ULK4: variants seen among roughly 807,000 people sequenced by gnomAD.
The protein encoded by ULK4 is unc-51 like kinase 4.
Under a neutral mutation model 160.6 loss-of-function variants are expected in ULK4, and 133 were observed. The observed-to-expected ratio is 0.83, with a 90% CI of 0.72 to 0.96. The LOEUF is 0.96. Ranked by LOEUF, ULK4 falls within the 40% of genes least tolerant of loss-of-function variation. ULK4 has a pLI of 0.00. For missense variants in ULK4, 1,580 were observed against 1,499.5 expected (o/e 1.05, Z -0.89); for synonymous variants, 534 against 539.8 (o/e 0.99, Z 0.15).
chr3:41,700,269 GC>G (rs770646869), intron 27 of ULK4, among the ~76,000 whole-genome samples: 63 of 152,252 alleles, frequency 4.1e-4, no homozygotes, highest in Admixed American at 2.2e-3. Context: ...GGAGCTGACT[GC>G]CCAGGAAGCA....
chr3:41,825,717 C>T (rs1052667422), intron 18 of ULK4, among the ~76,000 whole-genome samples: 2 of 152,192 alleles, frequency 1.3e-5, no homozygotes, highest in African/African-American at 4.8e-5. Flanking sequence ...AGAATGGAAC[C>T]AAGCTGGAAA....
intron 35 of ULK4, among the ~76,000 whole-genome samples, chr3:41,388,451 T>C (rs1442264367): frequency 4.6e-5 from 7 of 152,076 alleles, no homozygotes; most frequent in African/African-American, 1.7e-4. Context: ...TCCTTGCCCA[T>C]GCCTATGTCC....
In ULK4 at chr3:41,907,829, T is replaced by C; in HGVS notation, c.1182+16A>G. On this transcript the variant is annotated intron_variant, in intron 12 of 36. Transcript: ENST00000301831. The stretch of plus-strand genomic sequence containing the variant: ...CTACATCTTATGTAGGAAGAAAATT[T>C]CCCAAGTCTGCTCACCTTGGTCAGA... 1 of 1,524,096 alleles carries C rather than the reference T, an allele frequency of 6.6e-7. No homozygotes were observed. Among genetic ancestry groups the C allele is most frequent in the Admixed American group, 2.2e-5 (1 of 45,260 alleles). 94.4% of individuals were successfully genotyped at this position (1,524,096 alleles called of 1,614,324 possible). A position where few individuals can be genotyped will look rare whatever the true frequency, so the allele number is the denominator to read the frequency against.
chr3:41,872,711 G>A (rs1697142885), intron 17 of ULK4, among the ~76,000 whole-genome samples: 2 of 151,742 alleles, frequency 1.3e-5, no homozygotes, highest in African/African-American at 2.4e-5. Context: ...TCAGAACCAC[G>A]AGCCCAGGCC....
chr3:41,953,261 T>C (rs1474510458), intron 2 of ULK4, among the ~76,000 whole-genome samples: 2 of 113,992 alleles, frequency 1.8e-5, no homozygotes, highest in African/African-American at 3.0e-5. Flanking sequence ...CATACATATA[T>C]ATACACATAT....
At chr3:41,441,569 T>C (rs961571026) in intron 34 of ULK4, among the ~76,000 whole-genome samples, 2 of 152,150 alleles carry the variant, frequency 1.3e-5, no homozygotes, top group African/African-American at 4.8e-5. Flanking sequence ...GTATACTTTA[T>C]ATGACTTGAA....
chr3:41,957,401 G>C (rs1026119281), intron 1 of ULK4, among the ~76,000 whole-genome samples: 2 of 131,584 alleles, frequency 1.5e-5, no homozygotes, highest in Non-Finnish European at 3.1e-5. Context: ...GTTGCAGTGA[G>C]CTAAGATGGT....
intron 35 of ULK4, among the ~76,000 whole-genome samples, chr3:41,321,675 C>T (rs2080250835): frequency 1.4e-5 from 2 of 146,198 alleles, no homozygotes; most frequent in East Asian, 2.0e-4. Flanking sequence ...TGATAGGAGT[C>T]GGGTGAGTGG....
chr3:41,772,275 C>G (rs2039416543), intron 21 of ULK4, among the ~76,000 whole-genome samples: 1 of 152,032 alleles, frequency 6.6e-6, no homozygotes, highest in South Asian at 2.1e-4. Flanking sequence ...ATCAATGAAT[C>G]CAGGAGCTGG....
intron 34 of ULK4, among the ~76,000 whole-genome samples, chr3:41,411,505 G>A (rs1224506648): frequency 6.7e-6 from 1 of 150,372 alleles, no homozygotes; most frequent in South Asian, 2.1e-4. Context: ...TCAGCTCACT[G>A]CAACCTCTGC....
chr3:41,836,646 C>A (rs923658997), intron 17 of ULK4, among the ~76,000 whole-genome samples: 1 of 152,166 alleles, frequency 6.6e-6, no homozygotes, highest in Admixed American at 6.5e-5. Flanking sequence ...TGCCACGTCC[C>A]TGGTATGCTC....
At chr3:41,554,906 C>A (rs760790015) in intron 32 of ULK4, among the ~76,000 whole-genome samples, 8 of 151,972 alleles carry the variant, frequency 5.3e-5, no homozygotes, top group Non-Finnish European at 1.0e-4. Context: ...ACCTTCATTT[C>A]AAAGCAACGC....
chr3:41,289,867 GTATGTA>G (rs1407657397), intron 35 of ULK4, among the ~76,000 whole-genome samples: 1 of 151,956 alleles, frequency 6.6e-6, no homozygotes, highest in Non-Finnish European at 1.5e-5. Context: ...ACGTATGTAT[GTATGTA>G]TGTGTGTGTG....
chr3:41,423,625 C>T (rs1395348722), intron 34 of ULK4, among the ~76,000 whole-genome samples: 1 of 136,178 alleles, frequency 7.3e-6, no homozygotes. Context: ...GTTGGAGGCT[C>T]CCACCAAGAA....
chr3:41,852,547 T>C (rs1451616827), intron 17 of ULK4, among the ~76,000 whole-genome samples: 1 of 151,904 alleles, frequency 6.6e-6, no homozygotes, highest in Non-Finnish European at 1.5e-5. Context: ...CATACTTAAA[T>C]TTGCAAGACG....
chr3:41,774,708 C>G (rs1575686398), intron 21 of ULK4, among the ~76,000 whole-genome samples: 1 of 150,232 alleles, frequency 6.7e-6, no homozygotes, highest in African/African-American at 2.5e-5. Flanking sequence ...TTTGACCCAG[C>G]CATCCCATTA....
At chr3:41,518,095 T>C (rs1226828592) in intron 32 of ULK4, among the ~76,000 whole-genome samples, 1 of 152,162 alleles carries the variant, frequency 6.6e-6, no homozygotes, top group Non-Finnish European at 1.5e-5. Context: ...AACTATCATG[T>C]CCAGAAATAA....
chr3:41,643,506 A>G (rs890143661), intron 30 of ULK4, among the ~76,000 whole-genome samples: 2 of 152,170 alleles, frequency 1.3e-5, no homozygotes, highest in Non-Finnish European at 2.9e-5. Flanking sequence ...AGTTGAAGAT[A>G]TGCGGCATTA....
intron 34 of ULK4, among the ~76,000 whole-genome samples, chr3:41,411,250 G>C (rs1481600028): frequency 6.6e-6 from 1 of 151,970 alleles, no homozygotes; most frequent in East Asian, 1.9e-4. Flanking sequence ...AGGGAAGTGG[G>C]GGGTCTAGAC....
Sources: allele counts gnomAD v4.1 joint callset (sites outside exome capture counted in the v4.1 genomes callset), GRCh38; gene constraint gnomAD v4.1.1; transcripts MANE v1.5; gene names NCBI Gene and HGNC (gene_info 2026-07-23, HGNC 2026-07-21).